AGMO: variants seen among roughly 807,000 people sequenced by gnomAD.
AGMO encodes the protein alkylglycerol monooxygenase.
AGMO carries 75 observed loss-of-function variants against 60.2 expected under a neutral mutation model. That is an observed-to-expected ratio of 1.25 (90% confidence interval 1.03 to 1.51). AGMO has a LOEUF of 1.51. Ranked by LOEUF, AGMO falls within the 40% of genes most tolerant of loss-of-function variation. AGMO has a pLI of 0.00. For synonymous variants in AGMO, 261 were observed against 177.1 expected (o/e 1.47, Z -3.76); for missense variants, 763 against 525.5 (o/e 1.45, Z -4.42).
At chr7:15,331,022 T>C (rs1781483895) in intron 12 of AGMO, among the ~76,000 whole-genome samples, 1 of 152,160 alleles carries the variant, frequency 6.6e-6, no homozygotes, top group African/African-American at 2.4e-5. Flanking sequence ...CCTTGGCCTC[T>C]TGGATTGTTC....
rs567428292 is a variant in AGMO, at chr7:15,201,201, C to A, written c.*84G>T. On this transcript the variant is annotated 3_prime_UTR_variant, in exon 13 of 13. Coordinates refer to ENST00000342526, the MANE Select transcript of AGMO (RefSeq NM_001004320.2). Reference sequence around the variant, plus strand: ...GAAGAAATAGTTCATATAAGCATTACATAAAATAATTACATTTTAATATGC... The same window carrying A: ...GAAGAAATAGTTCATATAAGCATTAAATAAAATAATTACATTTTAATATGC... 2.4e-6 allele frequency: 2 copies of A among 828,684 alleles called. No homozygotes were observed. The highest frequency in any genetic ancestry group is 3.7e-6 in the Non-Finnish European group (2 of 539,078). 51.3% of individuals were successfully genotyped at this position (828,684 alleles called of 1,614,324 possible).
At chr7:15,370,335 G>A (rs1241895339) in intron 10 of AGMO, among the ~76,000 whole-genome samples, 1 of 152,148 alleles carries the variant, frequency 6.6e-6, no homozygotes, top group African/African-American at 2.4e-5. Flanking sequence ...CCATGTCTTT[G>A]CTATTGTGAA....
At chr7:15,428,718 C>T (rs1781139965) in intron 4 of AGMO, among the ~76,000 whole-genome samples, 1 of 152,040 alleles carries the variant, frequency 6.6e-6, no homozygotes, top group African/African-American at 2.4e-5. Flanking sequence ...CAATGATGCT[C>T]TGATAATTTT....
chr7:15,534,678 C>A (rs1784445500), intron 3 of AGMO, among the ~76,000 whole-genome samples: 1 of 151,752 alleles, frequency 6.6e-6, no homozygotes, highest in Non-Finnish European at 1.5e-5. Context: ...AACCAAGTTT[C>A]CCTAGCTTTG....
At chr7:15,244,713 G>A (rs1197154337) in intron 12 of AGMO, among the ~76,000 whole-genome samples, 3 of 151,984 alleles carry the variant, frequency 2.0e-5, no homozygotes, top group East Asian at 1.9e-4. Context: ...GTGCAGTGGC[G>A]CGATCTCGGC....
chr7:15,323,211 G>A (rs1781236561), intron 12 of AGMO, among the ~76,000 whole-genome samples: 1 of 152,030 alleles, frequency 6.6e-6, no homozygotes, highest in Non-Finnish European at 1.5e-5. Flanking sequence ...TGAAGAGCAA[G>A]ATAATTTTGC....
At chr7:15,518,006 G>A (rs545718321) in intron 3 of AGMO, among the ~76,000 whole-genome samples, 17 of 152,284 alleles carry the variant, frequency 1.1e-4, no homozygotes, top group South Asian at 4.2e-4. Context: ...CACCATTACT[G>A]AGACTTGAGT....
chr7:15,322,977 A>ATTT (rs376655680), intron 12 of AGMO, among the ~76,000 whole-genome samples: 51,492 of 121,834 alleles, frequency 0.42, 10,169 homozygotes, highest in Admixed American at 0.55. Context: ...GTATATATAT[A>ATTT]TGTATTTATT....
intron 6 of AGMO, among the ~76,000 whole-genome samples, chr7:15,392,404 T>A (rs372640645): frequency 6.6e-6 from 1 of 152,060 alleles, no homozygotes; most frequent in Non-Finnish European, 1.5e-5. Flanking sequence ...ACTGCAAGTG[T>A]ATAATCCCCT....
At chr7:15,310,520 C>A (rs1388843069) in intron 12 of AGMO, among the ~76,000 whole-genome samples, 1 of 151,942 alleles carries the variant, frequency 6.6e-6, no homozygotes, top group Non-Finnish European at 1.5e-5. Context: ...ACAAAAAAGT[C>A]CTTATTTTCC....
chr7:15,243,343 C>G lies in AGMO; in HGVS notation c.1264-41984G>C, dbSNP rs1038217524. ...GTATCTGTAGACCCAAAAGAGCATC[C>G]GGTTAAAATTCATAGACCCTGGTTA... On this transcript the variant is annotated intron_variant, in intron 12 of 12. Transcript: ENST00000342526. Among the ~76,000 whole-genome samples, 5 of 152,004 alleles carry G rather than the reference C, an allele frequency of 3.3e-5. No homozygotes were observed. The South Asian group carries it at 8.3e-4, about 25-fold the overall frequency.
chr7:15,149,344 T>C, the AGMO span, among the ~76,000 whole-genome samples: 1 of 152,112 alleles, frequency 6.6e-6, no homozygotes, highest in Admixed American at 6.5e-5. Context: ...ATCTATTTTG[T>C]TTATGTTGCA....
chr7:15,254,121 T>G (rs890235680), intron 12 of AGMO, among the ~76,000 whole-genome samples: 1 of 152,176 alleles, frequency 6.6e-6, no homozygotes, highest in Non-Finnish European at 1.5e-5. Flanking sequence ...TATTCTTTCT[T>G]TTTTCCATTC....
At chr7:15,430,097 C>T (rs1781184663) in intron 4 of AGMO, among the ~76,000 whole-genome samples, 1 of 151,824 alleles carries the variant, frequency 6.6e-6, no homozygotes, top group African/African-American at 2.4e-5. Flanking sequence ...TGTATGAAGG[C>T]TGTTGTGAAG....
intron 12 of AGMO, among the ~76,000 whole-genome samples, chr7:15,351,510 A>G (rs1320647004): frequency 6.6e-6 from 1 of 152,180 alleles, no homozygotes; most frequent in Non-Finnish European, 1.5e-5. Flanking sequence ...TCTGATTTTT[A>G]GCCAGCAGAA....
At chr7:15,397,581 C>T (rs1055866886) in intron 5 of AGMO, among the ~76,000 whole-genome samples, 6 of 152,178 alleles carry the variant, frequency 3.9e-5, no homozygotes, top group African/African-American at 1.2e-4. Context: ...TACTTTCCTC[C>T]TTCCTTCTTT....
Position 15,390,861 on chromosome 7 carries a change from TAAG to T in AGMO, c.718_720del (p.Leu240del), listed in dbSNP as rs757242554. 3.9e-5 allele frequency: 62 copies of T among 1,605,362 alleles called. No homozygotes were observed. The highest frequency in any genetic ancestry group is 6.7e-5 in the East Asian group (3 of 44,548). On this transcript the variant is annotated inframe_deletion, in exon 7 of 13. Coordinates refer to ENST00000342526, the MANE Select transcript of AGMO (RefSeq NM_001004320.2). ...TTACCAAAAATTTTATCCCAAATAA[TAAG>T]AACACCAGCATAATTTTTGTCTATG...
At chr7:15,535,325 TG>T (rs1197498201) in intron 3 of AGMO, among the ~76,000 whole-genome samples, 2 of 152,010 alleles carry the variant, frequency 1.3e-5, no homozygotes, top group East Asian at 3.9e-4. Flanking sequence ...TTTCTAGGAA[TG>T]GGGGGGCATA....
rs1266236840 is a variant in AGMO at position 15,383,500 on chromosome 7, T to TTA, written c.1074+1944_1074+1945dup. 2.0e-5 allele frequency among the ~76,000 whole-genome samples: 3 copies of TTA among 152,196 alleles called. No individual in the cohort carries two copies. The East Asian group carries it at 5.8e-4, about 29-fold the overall frequency. On this transcript the variant is annotated intron_variant, in intron 10 of 12. Coordinates refer to ENST00000342526, the MANE Select transcript of AGMO (RefSeq NM_001004320.2). ...ACCTATTTCAAGAAACCTCCTTTCC[T>TTA]TATAATTAACTATATAAATCATACA...
Sources: gnomAD v4.1 joint callset for allele counts (sites outside exome capture counted in the v4.1 genomes callset) on GRCh38, gnomAD v4.1.1 for gene constraint, MANE v1.5 for transcripts, NCBI Gene and HGNC (gene_info 2026-07-23, HGNC 2026-07-21) for gene names.